The following MICOS10 variants were observed in gnomAD, a reference collection of about 807,000 sequenced individuals.
The protein encoded by MICOS10 is MICOS complex subunit MIC10.
In MICOS10, 5 loss-of-function variants were observed where a neutral mutation model predicts 13.4. That is an observed-to-expected ratio of 0.37 (90% CI 0.20 to 0.78). The LOEUF (loss-of-function observed/expected upper bound fraction) is 0.78. Ranked by LOEUF, MICOS10 falls within the 30% of genes least tolerant of loss-of-function variation. MICOS10 has a pLI of 0.47. For missense variants in MICOS10, 101 were observed against 94.6 expected, an observed-to-expected ratio of 1.07 and a Z score of -0.28; for synonymous variants, 35 against 33.6, an observed-to-expected ratio of 1.04 and a Z score of -0.15.
At position 19,626,415 on chromosome 1, in the gene MICOS10, C is replaced by T. The variant is rs771358151; in HGVS notation, c.*14C>T. On this transcript the variant is annotated 3_prime_UTR_variant, in exon 4 of 4. Transcript: ENST00000322753. ...CAGGAGCAGTGACTTCACCTGAGAACATCCCAGCGGGAGGACAAGAGAAAT... is the reference window on the plus strand; with the variant it reads ...CAGGAGCAGTGACTTCACCTGAGAATATCCCAGCGGGAGGACAAGAGAAAT... The T allele has an allele frequency of 2.5e-6, 4 of 1,613,786 alleles. No individual in the cohort carries two copies. The East Asian group carries it at 6.7e-5, about 27-fold the overall frequency.
chr1:19,597,196 C>T, intron 1 of MICOS10, 87 bp downstream of exon 1: 1 of 1,406,898 alleles, frequency 7.1e-7, no homozygotes, highest in Non-Finnish European at 9.7e-7. Flanking sequence ...AAGGGAAGCC[C>T]CACGGGAGGT....
chr1:19,625,668 G>A (rs2094919395), intron 3 of MICOS10: 2 of 1,270,036 alleles, frequency 1.6e-6, no homozygotes, highest in African/African-American at 1.5e-5. Context: ...GTTCCAAACT[G>A]AGTTGTCAGG....
At chr1:19,609,174 AT>A (rs1052650185) in intron 1 of MICOS10, among the ~76,000 whole-genome samples, 15 of 150,012 alleles carry the variant, frequency 1.0e-4, no homozygotes, top group Middle Eastern at 3.4e-3. Context: ...TTAAAAAAAA[AT>A]TTTTTTTTTA....
At chr1:19,599,450 G>A (rs1019994450) in intron 1 of MICOS10, among the ~76,000 whole-genome samples, 2 of 152,148 alleles carry the variant, frequency 1.3e-5, no homozygotes, top group African/African-American at 4.8e-5. Context: ...ACGTTGATAG[G>A]GGTGCAGCAT....
intron 1 of MICOS10, among the ~76,000 whole-genome samples, chr1:19,605,175 G>A (rs1196919857): frequency 6.6e-6 from 1 of 152,108 alleles, no homozygotes; most frequent in African/African-American, 2.4e-5. Flanking sequence ...TATCCTTTGG[G>A]GTTAAAGGAT....
intron 1 of MICOS10, among the ~76,000 whole-genome samples, chr1:19,599,992 T>C (rs1397710059): frequency 6.6e-6 from 1 of 152,064 alleles, no homozygotes; most frequent in Non-Finnish European, 1.5e-5. Context: ...TTTATTGAGC[T>C]GTGGGTCAGT....
intron 1 of MICOS10, among the ~76,000 whole-genome samples, chr1:19,610,367 C>CT (rs773668659): frequency 0.064 from 755 of 11,888 alleles, 82 homozygotes; most frequent in Middle Eastern, 0.1. Context: ...CACCCCCCGG[C>CT]TTTTTTTTTT....
At chr1:19,619,937 C>T (rs1388782593) in intron 1 of MICOS10, among the ~76,000 whole-genome samples, 3 of 152,214 alleles carry the variant, frequency 2.0e-5, no homozygotes, top group Admixed American at 6.5e-5. Flanking sequence ...AAGATGTGTA[C>T]CTATAATCAG....
chr1:19,622,043 T>G, intron 1 of MICOS10, 57 bp from the exon 2 acceptor site: 1 of 1,299,368 alleles, frequency 7.7e-7, no homozygotes, highest in Non-Finnish European at 1.1e-6. Flanking sequence ...AATGTTAATG[T>G]TATCTTTGTG....
chr1:19,611,468 G>GTT (rs765477232), intron 1 of MICOS10, among the ~76,000 whole-genome samples: 5 of 84,056 alleles, frequency 5.9e-5, no homozygotes, highest in Admixed American at 1.4e-4. Flanking sequence ...GTTGCAACTT[G>GTT]ATTTTTTTTT....
intron 1 of MICOS10, among the ~76,000 whole-genome samples, chr1:19,609,165 T>TA (rs975157128): frequency 1.3e-5 from 2 of 151,492 alleles, no homozygotes; most frequent in East Asian, 1.9e-4. Context: ...TCAGGCTAAT[T>TA]AAAAAAAAAT....
At chr1:19,618,559 G>A (rs934741378) in intron 1 of MICOS10, among the ~76,000 whole-genome samples, 2 of 152,148 alleles carry the variant, frequency 1.3e-5, no homozygotes, top group Non-Finnish European at 1.5e-5. Flanking sequence ...AACCCTGTAA[G>A]GTTGTTTTCA....
Position 19,596,994 on chromosome 1 carries a change from G to A in MICOS10, c.-52G>A, listed in dbSNP as rs1253809717. ...TCCAGCTCTCGCGAGACTTTCAGGGGTCGGAGCGCGGGGGCCGGCCGAGAG... is the reference window on the plus strand; with the variant it reads ...TCCAGCTCTCGCGAGACTTTCAGGGATCGGAGCGCGGGGGCCGGCCGAGAG... On this transcript the variant is annotated 5_prime_UTR_variant, in exon 1 of 4. Coordinates refer to ENST00000322753, the MANE Select transcript of MICOS10 (RefSeq NM_001032363.4). 4 of 1,547,588 alleles carry A rather than the reference G, an allele frequency of 2.6e-6. No homozygotes were observed. Among genetic ancestry groups the A allele is most frequent in the South Asian group, 2.4e-5 (2 of 84,872 alleles).
intron 3 of MICOS10, among the ~76,000 whole-genome samples, chr1:19,626,051 A>C (rs1252828522): frequency 6.6e-6 from 1 of 152,196 alleles, no homozygotes; most frequent in African/African-American, 2.4e-5. Flanking sequence ...GGGTTGAGAA[A>C]CTTGGCAAGG....
chr1:19,610,950 C>A (rs1019269964), intron 1 of MICOS10, among the ~76,000 whole-genome samples: 1 of 145,048 alleles, frequency 6.9e-6, no homozygotes, highest in Admixed American at 6.6e-5. Context: ...TTATTTATTT[C>A]TCTTTTTTTT....
At position 19,627,039 on chromosome 1, in the gene MICOS10, G is replaced by GAGCTT. The variant is rs2094924351; in HGVS notation, c.*639_*643dup. 6.5e-6 allele frequency: 1 copy of GAGCTT among 153,378 alleles called. No individual in the cohort carries two copies. The highest frequency in any genetic ancestry group is 2.4e-5 in the African/African-American group (1 of 41,454). The allele number at this position is 153,378 out of a possible 1,614,324, so 9.5% of individuals were successfully genotyped here. ...TGAAGTCAAGTCCTGCAGCTTCATA[G>GAGCTT]AGCTTGAGACAGTCCAAGCTTCAGC... is the stretch of plus-strand genomic sequence containing the variant. On this transcript the variant is annotated 3_prime_UTR_variant, in exon 4 of 4. Coordinates refer to ENST00000322753, the MANE Select transcript of MICOS10 (RefSeq NM_001032363.4).
At chr1:19,609,379 CTT>C (rs1386011349) in intron 1 of MICOS10, among the ~76,000 whole-genome samples, 5 of 152,152 alleles carry the variant, frequency 3.3e-5, no homozygotes, top group African/African-American at 4.8e-5. Context: ...AACTGGGACT[CTT>C]ATACACCGTT....
intron 1 of MICOS10, among the ~76,000 whole-genome samples, chr1:19,620,437 T>C (rs1278075936): frequency 6.6e-6 from 1 of 152,226 alleles, no homozygotes; most frequent in Admixed American, 6.5e-5. Context: ...AAGTAAAACA[T>C]TGCAATTAAA....
intron 1 of MICOS10, among the ~76,000 whole-genome samples, chr1:19,616,681 C>G (rs1425677115): frequency 6.6e-6 from 1 of 152,152 alleles, no homozygotes; most frequent in Non-Finnish European, 1.5e-5. Context: ...GAGACAGTCA[C>G]CTTGCTGCTC....
Sources: allele counts gnomAD v4.1 joint callset (sites outside exome capture counted in the v4.1 genomes callset), GRCh38; gene constraint gnomAD v4.1.1; transcripts MANE v1.5; gene names NCBI Gene and HGNC (gene_info 2026-07-23, HGNC 2026-07-21).